NEK11: variants seen among roughly 807,000 people sequenced by gnomAD.
NEK11 encodes the protein NIMA related kinase 11.
Under a neutral mutation model 80.7 loss-of-function variants are expected in NEK11, and 72 were observed. The ratio of observed to expected loss-of-function variants is 0.89; its 90% CI spans 0.74 to 1.08. The LOEUF (loss-of-function observed/expected upper bound fraction) is 1.08. NEK11 is among the 50% of genes least tolerant of loss of function. The pLI is 0.00. For synonymous variants in NEK11, 251 were observed against 260.7 expected (o/e 0.96, Z 0.36); for missense variants, 764 against 763.6 (o/e 1.00, Z -0.01).
intron 3 of NEK11, among the ~76,000 whole-genome samples, chr3:131,036,167 A>G (rs2065613735): frequency 6.6e-6 from 1 of 152,214 alleles, no homozygotes; most frequent in South Asian, 2.1e-4. Context: ...TTCACTTTTC[A>G]CTGAACCCTT....
chr3:131,145,509 C>T (rs369443624), intron 7 of NEK11, among the ~76,000 whole-genome samples: 19 of 152,046 alleles, frequency 1.2e-4, no homozygotes, highest in South Asian at 4.1e-4. Flanking sequence ...CGTGGTGTGA[C>T]GCCCTGCATA....
intron 12 of NEK11, among the ~76,000 whole-genome samples, chr3:131,167,149 A>G (rs1289184870): frequency 5.3e-5 from 8 of 152,200 alleles, no homozygotes; most frequent in Non-Finnish European, 1.2e-4. Context: ...TCTGATTCCT[A>G]TGTACACTCT....
At chr3:131,206,028 T>A (rs2094431760) in intron 14 of NEK11, among the ~76,000 whole-genome samples, 1 of 152,226 alleles carries the variant, frequency 6.6e-6, no homozygotes, top group Non-Finnish European at 1.5e-5. Context: ...TTTTAATGAA[T>A]CTCTGAGCCC....
intron 4 of NEK11, among the ~76,000 whole-genome samples, chr3:131,093,138 C>G (rs560720429): frequency 1.2e-4 from 18 of 152,238 alleles, no homozygotes; most frequent in Non-Finnish European, 1.5e-4. Context: ...GAGACAGTTC[C>G]TTGTGTGATA....
At chr3:131,215,701 T>A (rs908005756) in intron 14 of NEK11, among the ~76,000 whole-genome samples, 4 of 152,212 alleles carry the variant, frequency 2.6e-5, no homozygotes, top group African/African-American at 9.7e-5. Flanking sequence ...CCCTGCTACA[T>A]CCACAACTGT....
At chr3:131,049,817 TTTG>T (rs1181365883) in intron 3 of NEK11, among the ~76,000 whole-genome samples, 2 of 152,228 alleles carry the variant, frequency 1.3e-5, no homozygotes, top group Non-Finnish European at 2.9e-5. Flanking sequence ...TGAGGATTTT[TTTG>T]TTTTTTAAAC....
intron 17 of NEK11, among the ~76,000 whole-genome samples, chr3:131,308,819 G>A (rs1228545615): frequency 6.6e-6 from 1 of 152,026 alleles, no homozygotes; most frequent in Non-Finnish European, 1.5e-5. Flanking sequence ...AACTGGTTTT[G>A]TGGAAGACAA....
At chr3:131,229,505 G>A (rs2095286636) in intron 15 of NEK11, among the ~76,000 whole-genome samples, 1 of 151,900 alleles carries the variant, frequency 6.6e-6, no homozygotes, top group Non-Finnish European at 1.5e-5. Context: ...TCTACCAAAG[G>A]GCACCTGAGT....
In NEK11 at chr3:131,170,653, G is replaced by A; in HGVS notation, c.1285-120G>A. 4 of 686,204 alleles carry A rather than the reference G, an allele frequency of 5.8e-6. No individual in the cohort carries two copies. The Admixed American group carries it at 9.1e-5, about 16-fold the overall frequency. The allele number at this position is 686,204 out of a possible 1,614,324, so 42.5% of individuals were successfully genotyped here. ...CCTCCTGAAGTTTGAAAACGTTTAA[G>A]GGAGAGGATTAGGTAGGCTTGTTTC... On this transcript the variant is annotated intron_variant, in intron 13 of 17. Coordinates refer to ENST00000383366, the MANE Select transcript of NEK11 (RefSeq NM_024800.5).
At chr3:131,070,401 T>A (rs1234922183) in intron 3 of NEK11, among the ~76,000 whole-genome samples, 1 of 152,176 alleles carries the variant, frequency 6.6e-6, no homozygotes, top group Admixed American at 6.6e-5. Flanking sequence ...AACCTCAAAA[T>A]GTAGACTTCA....
intron 14 of NEK11, among the ~76,000 whole-genome samples, chr3:131,203,623 AT>A (rs2094328033): frequency 6.9e-6 from 1 of 145,356 alleles, no homozygotes; most frequent in Non-Finnish European, 1.5e-5. Context: ...TGAAACAAAA[AT>A]TTTCAAAACG....
At chr3:131,275,603 C>T (rs981077869) in intron 17 of NEK11, among the ~76,000 whole-genome samples, 1 of 152,110 alleles carries the variant, frequency 6.6e-6, no homozygotes, top group Non-Finnish European at 1.5e-5. Context: ...ACCTGCCATC[C>T]TTTTATATTT....
chr3:131,298,299 A>G (rs2096622951), intron 17 of NEK11, among the ~76,000 whole-genome samples: 1 of 152,202 alleles, frequency 6.6e-6, no homozygotes, highest in Non-Finnish European at 1.5e-5. Flanking sequence ...ACCCATGAGC[A>G]TGGAATGTTC....
At chr3:131,091,533 C>G (rs1177721116) in intron 4 of NEK11, among the ~76,000 whole-genome samples, 1 of 152,060 alleles carries the variant, frequency 6.6e-6, no homozygotes, top group Non-Finnish European at 1.5e-5. Context: ...GAGCATGCAT[C>G]CATATGGCAA....
At chr3:131,282,561 G>A (rs2096413663) in intron 17 of NEK11, among the ~76,000 whole-genome samples, 1 of 152,202 alleles carries the variant, frequency 6.6e-6, no homozygotes, top group Non-Finnish European at 1.5e-5. Context: ...GTGCTGCCGT[G>A]AGGGCTGAAG....
rs142683282 is a variant in NEK11, at chr3:131,109,818, G to A, written c.352G>A (p.Asp118Asn). 13 of 1,599,432 alleles carry A rather than the reference G, an allele frequency of 8.1e-6. No individual in the cohort carries two copies. The highest frequency in any genetic ancestry group is 3.4e-4 in the Middle Eastern group (2 of 5,816). Residue 118 changes from aspartate (D) to asparagine (N), a missense_variant, in exon 5 of 18, where the codon GAT becomes AAT. By Grantham distance (23) the Asp-to-Asn change is conservative. Coordinates refer to ENST00000383366, the MANE Select transcript of NEK11 (RefSeq NM_024800.5). ...TTCATTTCAGGGCCGAGATCTGGAC[G>A]ATAAAATTCAGGAATATAAACAAGC... ...TEYCEGRDLDDKIQEYKQAGK... is the reference protein window; with the variant it reads ...TEYCEGRDLDNKIQEYKQAGK...
chr3:131,195,714 C>A (rs1051885755), intron 14 of NEK11, among the ~76,000 whole-genome samples: 20 of 150,584 alleles, frequency 1.3e-4, no homozygotes, highest in Admixed American at 1.1e-3. Context: ...TGAAACAGTT[C>A]TTTTCCTTTA....
chr3:131,225,420 G>A (rs190517480), intron 14 of NEK11, among the ~76,000 whole-genome samples: 5 of 152,248 alleles, frequency 3.3e-5, no homozygotes, highest in South Asian at 2.1e-4. Flanking sequence ...ACATATCCTC[G>A]TTGTTAAGTG....
intron 14 of NEK11, among the ~76,000 whole-genome samples, chr3:131,171,254 T>G (rs1360063727): frequency 6.6e-6 from 1 of 152,192 alleles, no homozygotes; most frequent in Non-Finnish European, 1.5e-5. Flanking sequence ...TAAATTTAAA[T>G]TGAAGAAATG....
Sources: gnomAD v4.1 joint callset for allele counts (sites outside exome capture counted in the v4.1 genomes callset) on GRCh38, gnomAD v4.1.1 for gene constraint, MANE v1.5 for transcripts, NCBI Gene and HGNC (gene_info 2026-07-23, HGNC 2026-07-21) for gene names.